Variants in NTM observed in about 807,000 individuals in gnomAD.
The protein encoded by NTM is IgLON family member 2.
A neutral mutation model predicts 42.1 loss-of-function variants in NTM; 13 were observed. The ratio of observed to expected loss-of-function variants is 0.31; its 90% CI spans 0.20 to 0.49. The LOEUF is 0.49. Among genes scored for constraint, NTM ranks in the 20% least tolerant of loss-of-function variants. The pLI, the probability that NTM is intolerant of heterozygous loss-of-function variation, is 0.99. For synonymous variants in NTM, 187 were observed against 179.2 expected, an observed-to-expected ratio of 1.04 and a Z score of -0.35; for missense variants, 373 against 452.8, an observed-to-expected ratio of 0.82 and a Z score of 1.60.
At chr11:131,563,584 T>TTC (rs1198439144) in intron 1 of NTM, among the ~76,000 whole-genome samples, 1 of 148,760 alleles carries the variant, frequency 6.7e-6, no homozygotes, top group East Asian at 1.9e-4. Flanking sequence ...AGACACTTTT[T>TTC]TTTTTTTTTT....
At chr11:132,317,317 C>CTCATCTG (rs59089706) in intron 7 of NTM, among the ~76,000 whole-genome samples, 10,168 of 152,132 alleles carry the variant, frequency 0.067, 688 homozygotes, top group East Asian at 0.32. Context: ...GGAAACAAGT[C>CTCATCTG]TCATCTGGAA....
chr11:131,737,471 G>T (rs1429980907), intron 1 of NTM, among the ~76,000 whole-genome samples: 1 of 152,176 alleles, frequency 6.6e-6, no homozygotes, highest in Non-Finnish European at 1.5e-5. Flanking sequence ...TTGTTTTACT[G>T]TATGTCTATT....
chr11:131,697,958 T>A (rs2075652248), intron 1 of NTM, among the ~76,000 whole-genome samples: 1 of 152,132 alleles, frequency 6.6e-6, no homozygotes, highest in Non-Finnish European at 1.5e-5. Context: ...TATATTTGCC[T>A]CTGTCAGGGG....
chr11:131,698,747 A>T (rs746313880), intron 1 of NTM, among the ~76,000 whole-genome samples: 2 of 152,240 alleles, frequency 1.3e-5, no homozygotes, highest in Non-Finnish European at 2.9e-5. Context: ...GCCCAGTGCC[A>T]GGCTTCCTTG....
intron 1 of NTM, among the ~76,000 whole-genome samples, chr11:131,403,841 C>T (rs965770924): frequency 1.5e-4 from 23 of 152,084 alleles, no homozygotes; most frequent in Non-Finnish European, 1.0e-4. Context: ...TTGTAGGGCC[C>T]GAAATTCACT....
chr11:131,486,845 G>A (rs1433782438), intron 1 of NTM, among the ~76,000 whole-genome samples: 1 of 151,936 alleles, frequency 6.6e-6, no homozygotes, highest in Non-Finnish European at 1.5e-5. Context: ...TCTTTTTCCT[G>A]CCATCCCTCT....
chr11:131,473,467 A>G (rs1174776633), intron 1 of NTM, among the ~76,000 whole-genome samples: 5 of 152,208 alleles, frequency 3.3e-5, no homozygotes, highest in African/African-American at 7.2e-5. Flanking sequence ...TAGGGGCTCA[A>G]TTTTCCTCTG....
Position 131,501,878 on chromosome 11 carries a change from A to AGTGTGT in NTM, c.82+131002_82+131007dup, listed in dbSNP as rs34828229. On this transcript the variant is annotated intron_variant, in intron 1 of 8. Coordinates refer to ENST00000683400, the MANE Select transcript of NTM (RefSeq NM_001352005.2). ...AAGAGAAGGTATGTATGTGTGTGTGAGTGTGTGTGTGTGTGTGCACATGTG... is the reference window on the plus strand; with the variant it reads ...AAGAGAAGGTATGTATGTGTGTGTGAGTGTGTGTGTGTGTGTGTGTGTGCACATGTG... Among the ~76,000 whole-genome samples, 3 of 150,814 alleles carry AGTGTGT rather than the reference A, an allele frequency of 2.0e-5. 1 individual carries two copies. The South Asian group carries it at 6.3e-4, about 32-fold the overall frequency.
At position 131,480,102 on chromosome 11, in the gene NTM, C is replaced by T. The variant is rs76766684; in HGVS notation, c.82+109214C>T. 9.8e-3 allele frequency among the ~76,000 whole-genome samples: 1,466 copies of T among 149,370 alleles called. 16 individuals carry two copies. The highest frequency in any genetic ancestry group is 0.033 in the African/African-American group (1,363 of 40,706). On this transcript the variant is annotated intron_variant, in intron 1 of 8. Transcript: ENST00000683400. ...CATTGATTTCATTTTGAAAAAAATA[C>T]TGCATTCAATTATTGTTTATCTTGA...
chr11:131,491,142 C>T (rs1954738172), intron 1 of NTM, among the ~76,000 whole-genome samples: 1 of 152,086 alleles, frequency 6.6e-6, no homozygotes, highest in Non-Finnish European at 1.5e-5. Flanking sequence ...GACCAACATC[C>T]TAAGAATTTC....
chr11:131,600,725 G>A (rs1417662337), intron 1 of NTM, among the ~76,000 whole-genome samples: 1 of 152,152 alleles, frequency 6.6e-6, no homozygotes, highest in Non-Finnish European at 1.5e-5. Flanking sequence ...TGGGCTGCAG[G>A]AAGGCAGAAT....
At chr11:131,497,414 C>T (rs1378606244) in intron 1 of NTM, among the ~76,000 whole-genome samples, 1 of 152,062 alleles carries the variant, frequency 6.6e-6, no homozygotes, top group Non-Finnish European at 1.5e-5. Flanking sequence ...GTCTTGAACT[C>T]CTGACCTCGT....
At chr11:132,209,668 A>T (rs1256554501) in intron 3 of NTM, among the ~76,000 whole-genome samples, 2 of 152,220 alleles carry the variant, frequency 1.3e-5, no homozygotes, top group African/African-American at 4.8e-5. Flanking sequence ...AGTGCTGTGG[A>T]ATCCCCAGGA....
intron 2 of NTM, among the ~76,000 whole-genome samples, chr11:132,089,887 G>A (rs2060188108): frequency 6.6e-6 from 1 of 152,018 alleles, no homozygotes; most frequent in African/African-American, 2.4e-5. Context: ...GTTAGTATGA[G>A]TTTATTTTGA....
At chr11:131,754,262 C>T (rs1363696531) in intron 1 of NTM, among the ~76,000 whole-genome samples, 1 of 151,298 alleles carries the variant, frequency 6.6e-6, no homozygotes, top group Admixed American at 6.6e-5. Flanking sequence ...TGCACATGTA[C>T]CCTAAAACTT....
At chr11:131,623,381 C>T (rs964041733) in intron 1 of NTM, among the ~76,000 whole-genome samples, 5 of 152,232 alleles carry the variant, frequency 3.3e-5, no homozygotes, top group Admixed American at 1.3e-4. Context: ...TATGAGATAT[C>T]ATTAGAATGA....
intron 1 of NTM, chr11:131,535,297 TA>T (rs2051998540): frequency 6.6e-6 from 1 of 152,266 alleles, no homozygotes; most frequent in Non-Finnish European, 1.5e-5. Flanking sequence ...GCCAAGGGTG[TA>T]AACAGTTATA....
intron 2 of NTM, among the ~76,000 whole-genome samples, chr11:132,050,067 T>A (rs1460606610): frequency 6.6e-6 from 1 of 152,106 alleles, no homozygotes; most frequent in Non-Finnish European, 1.5e-5. Flanking sequence ...ATTTGCTCAG[T>A]GGCATTTACC....
intron 2 of NTM, among the ~76,000 whole-genome samples, chr11:131,987,429 C>G (rs917783525): frequency 7.2e-6 from 1 of 139,688 alleles, no homozygotes; most frequent in African/African-American, 2.6e-5. Context: ...CTATTCTATT[C>G]TATTTTCATT....
Sources: gnomAD v4.1 joint callset for allele counts (sites outside exome capture counted in the v4.1 genomes callset) on GRCh38, gnomAD v4.1.1 for gene constraint, MANE v1.5 for transcripts, NCBI Gene and HGNC (gene_info 2026-07-23, HGNC 2026-07-21) for gene names.